The following RTTN variants were observed in gnomAD, a reference collection of about 807,000 sequenced individuals.
The protein encoded by RTTN is rotatin.
Under a neutral mutation model 269.2 loss-of-function variants are expected in RTTN, and 182 were observed. The ratio of observed to expected loss-of-function variants is 0.68; its 90% CI spans 0.60 to 0.76. RTTN has a LOEUF of 0.76. Ranked by LOEUF, RTTN falls within the 30% of genes least tolerant of loss-of-function variation. The pLI is 0.00. For missense variants in RTTN, 2,545 were observed against 2,608.6 expected (o/e 0.98, Z 0.53); for synonymous variants, 1,006 against 963.5 (o/e 1.04, Z -0.82).
intron 39 of RTTN, among the ~76,000 whole-genome samples, chr18:70,049,051 C>T (rs1350422362): frequency 6.6e-6 from 1 of 152,054 alleles, no homozygotes; most frequent in Non-Finnish European, 1.5e-5. Context: ...TATTTTATCA[C>T]TAAAGAAATA....
At chr18:70,197,224 A>T (rs149508459) in intron 6 of RTTN, among the ~76,000 whole-genome samples, 6 of 152,344 alleles carry the variant, frequency 3.9e-5, no homozygotes, top group Non-Finnish European at 7.3e-5. Flanking sequence ...AGAAAAAAAG[A>T]AAAGAATCCA....
chr18:70,146,528 A>T (rs2060397808), intron 17 of RTTN, among the ~76,000 whole-genome samples: 1 of 152,202 alleles, frequency 6.6e-6, no homozygotes, highest in East Asian at 1.9e-4. Context: ...ACAAGTTGCC[A>T]GGTTTTAAGA....
intron 7 of RTTN, chr18:70,194,875 G>A (rs541438797): frequency 6.6e-6 from 1 of 152,212 alleles, no homozygotes. Context: ...TAGTGGTGAT[G>A]GCTGCACAAC....
chr18:70,080,172 C>T (rs1299234427), intron 32 of RTTN, among the ~76,000 whole-genome samples: 1 of 151,992 alleles, frequency 6.6e-6, no homozygotes, highest in Non-Finnish European at 1.5e-5. Context: ...TAATATATAA[C>T]TATAAATGAG....
At chr18:70,137,560 C>T (rs531703372) in intron 21 of RTTN, among the ~76,000 whole-genome samples, 5 of 152,196 alleles carry the variant, frequency 3.3e-5, no homozygotes, top group African/African-American at 1.2e-4. Flanking sequence ...GCCCTCCCTG[C>T]CTCATCCCAT....
chr18:70,113,861 A>C (rs2059537023), intron 27 of RTTN, among the ~76,000 whole-genome samples: 1 of 152,168 alleles, frequency 6.6e-6, no homozygotes, highest in South Asian at 2.1e-4. Flanking sequence ...CATAGAAAGA[A>C]GACTAGTGGC....
intron 25 of RTTN, among the ~76,000 whole-genome samples, chr18:70,126,168 T>C (rs1190602791): frequency 1.3e-5 from 2 of 152,118 alleles, no homozygotes; most frequent in African/African-American, 4.8e-5. Flanking sequence ...TGAAATACTC[T>C]AAAGGCTTCC....
rs943836061 is a variant in RTTN, at chr18:70,028,706, A to C, written c.5823+18T>G. ...TACCAGTACTCCTATTAAAATTTTG[A>C]AAAGTAGTTCTACTTACTTTACATT... On this transcript the variant is annotated intron_variant, in intron 43 of 48. Transcript: ENST00000640769. The C allele has an allele frequency of 6.5e-7, 1 of 1,545,920 alleles. No homozygotes were observed. The highest frequency in any genetic ancestry group is 1.4e-5 in the African/African-American group (1 of 73,464).
At chr18:70,018,141 T>C (rs1203748550) in intron 45 of RTTN, among the ~76,000 whole-genome samples, 3 of 152,228 alleles carry the variant, frequency 2.0e-5, no homozygotes, top group Non-Finnish European at 4.4e-5. Context: ...TTGTTGTTTT[T>C]ATCAAATCTA....
At chr18:70,130,720 G>A (rs1294032476) in intron 23 of RTTN, 1 of 151,892 alleles carries the variant, frequency 6.6e-6, no homozygotes, top group African/African-American at 2.4e-5. Flanking sequence ...CTAGTGTTCA[G>A]TAGCACAATA....
In RTTN at chr18:70,051,509, T is replaced by C. The variant is rs285227; in HGVS notation, c.5225A>G (p.His1742Arg). 1,325 of 1,610,322 alleles carry C rather than the reference T, an allele frequency of 8.2e-4. 6 individuals carry two copies. In the African/African-American group the frequency reaches 0.016, roughly 19 times the overall value. Residue 1742 changes from histidine to arginine, a missense_variant, in exon 39 of 49, where the codon CAT (histidine) becomes CGT (arginine). Transcript: ENST00000640769. ...GAGCATGGCCAGAAGATTAAATAAA[T>C]GTGTCCATGTGTGATAAAAAGCTGA... ...LISAFYHTWTHLFNLLAMLLR... is the reference protein window; with the variant it reads ...LISAFYHTWTRLFNLLAMLLR...
intron 17 of RTTN, among the ~76,000 whole-genome samples, chr18:70,146,537 G>A (rs1235664384): frequency 6.6e-6 from 1 of 152,132 alleles, no homozygotes; most frequent in Non-Finnish European, 1.5e-5. Context: ...CAGGTTTTAA[G>A]AACTACCTAT....
At chr18:70,072,176 T>C (rs2058313274) in intron 34 of RTTN, among the ~76,000 whole-genome samples, 1 of 152,112 alleles carries the variant, frequency 6.6e-6, no homozygotes, top group African/African-American at 2.4e-5. Flanking sequence ...AAGACTATTT[T>C]TGTAACTAAA....
At chr18:70,172,746 A>C (rs1272706794) in intron 11 of RTTN, among the ~76,000 whole-genome samples, 1 of 152,192 alleles carries the variant, frequency 6.6e-6, no homozygotes, top group African/African-American at 2.4e-5. Flanking sequence ...TAAGTAAAAT[A>C]AATTACTGAT....
At chr18:70,032,404 C>A (rs1338311774) in intron 40 of RTTN, among the ~76,000 whole-genome samples, 2 of 152,188 alleles carry the variant, frequency 1.3e-5, no homozygotes, top group African/African-American at 4.8e-5. Context: ...CCCACTGCAG[C>A]CTCCTTCATG....
At chr18:70,157,799 T>C (rs1343384233) in intron 14 of RTTN, among the ~76,000 whole-genome samples, 5 of 151,886 alleles carry the variant, frequency 3.3e-5, no homozygotes, top group Non-Finnish European at 5.9e-5. Context: ...AATTTCATGA[T>C]AGGAATTTCA....
chr18:70,109,398 A>G (rs1486919364), intron 28 of RTTN, 100 bp downstream of exon 28: 1 of 790,980 alleles, frequency 1.3e-6, no homozygotes, highest in Non-Finnish European at 2.1e-6. Flanking sequence ...ATAATGTATA[A>G]TATTCTACAT....
chr18:70,038,160 T>C (rs2057232834), intron 40 of RTTN, among the ~76,000 whole-genome samples: 1 of 152,214 alleles, frequency 6.6e-6, no homozygotes, highest in Non-Finnish European at 1.5e-5. Flanking sequence ...ATAGCATCTC[T>C]GGACCTGCTC....
intron 14 of RTTN, among the ~76,000 whole-genome samples, chr18:70,157,178 C>A (rs12966440): frequency 0.72 from 109,552 of 152,074 alleles, 46,476 homozygotes; most frequent in East Asian, 1. Context: ...AGCACCGCCC[C>A]ACGCCCCCCC....
Sources: gnomAD v4.1 joint callset for allele counts (sites outside exome capture counted in the v4.1 genomes callset) on GRCh38, gnomAD v4.1.1 for gene constraint, MANE v1.5 for transcripts, NCBI Gene and HGNC (gene_info 2026-07-23, HGNC 2026-07-21) for gene names.